The following BAHD1 variants were observed in gnomAD, a reference collection of about 807,000 sequenced individuals.
The protein encoded by BAHD1 is bromo adjacent homology domain containing 1, also known as bromo adjacent homology domain-containing 1 protein.
In BAHD1, 20 loss-of-function variants were observed where a neutral mutation model predicts 63.1. That is an observed-to-expected ratio of 0.32 (90% CI 0.22 to 0.46). The LOEUF (loss-of-function observed/expected upper bound fraction) is 0.46. BAHD1 is among the 20% of genes least tolerant of loss of function. The probability of loss-of-function intolerance (pLI) is 1.00; values close to 1 mark genes in which losing one functional copy is unlikely to be tolerated. For missense variants in BAHD1, 939 were observed against 1,071.8 expected, an observed-to-expected ratio of 0.88 and a Z score of 1.73; for synonymous variants, 408 against 426.8, an observed-to-expected ratio of 0.96 and a Z score of 0.54.
chr15:40,455,232 G>T (rs560630798), intron 1 of BAHD1, among the ~76,000 whole-genome samples: 1 of 152,184 alleles, frequency 6.6e-6, no homozygotes. Flanking sequence ...CTGTTCTGCT[G>T]GATTTGGAAA....
At position 40,462,309 on chromosome 15, in the gene BAHD1, T is replaced by C; in HGVS notation, c.1815+15T>C. On this transcript the variant is annotated intron_variant, in intron 3 of 6. Coordinates refer to ENST00000416165, the MANE Select transcript of BAHD1 (RefSeq NM_014952.5). ...TGTATGTCTTGGTAAGTGCTAGCTCTTAGCTGATGACGAGAGGGAGGGAGG... is the reference window on the plus strand; with the variant it reads ...TGTATGTCTTGGTAAGTGCTAGCTCCTAGCTGATGACGAGAGGGAGGGAGG... The C allele has an allele frequency of 6.3e-7, 1 of 1,582,338 alleles. No homozygotes were observed. The highest frequency in any genetic ancestry group is 8.6e-7 in the Non-Finnish European group (1 of 1,159,350).
chr15:40,460,024 C>A, intron 2 of BAHD1, 128 bp downstream of exon 2: 1 of 1,222,246 alleles, frequency 8.2e-7, no homozygotes, highest in Non-Finnish European at 1.1e-6. Flanking sequence ...AGGGGGCTTT[C>A]AGAAGTGAGA....
rs1027427865 is a variant in BAHD1, at chr15:40,466,571, G to A, written c.*441G>A. 8 of 159,692 alleles carry A rather than the reference G, an allele frequency of 5.0e-5. No homozygotes were observed. The highest frequency in any genetic ancestry group is 1.2e-4 in the African/African-American group (5 of 41,554). The allele number at this position is 159,692 out of a possible 1,614,324, so 9.9% of individuals were successfully genotyped here. ...TTTACCTCACCCACTGTGACCCGCC[G>A]CTTCCCCTTCAGCCTGGGACCAGGC... On this transcript the variant is annotated 3_prime_UTR_variant, in exon 7 of 7. Transcript: ENST00000416165.
At chr15:40,440,857 G>A (rs1406216702), upstream of BAHD1, among the ~76,000 whole-genome samples, 4 of 152,164 alleles carry the variant, frequency 2.6e-5, no homozygotes, top group Non-Finnish European at 5.9e-5. Context: ...AGCGCAGGGC[G>A]GGGCGGCTGA....
intron 4 of BAHD1, 88 bp downstream of exon 4, chr15:40,464,108 C>G (rs1414820154): frequency 6.9e-7 from 1 of 1,447,668 alleles, no homozygotes; most frequent in Non-Finnish European, 9.5e-7. Flanking sequence ...GGAGTTTGAC[C>G]TGGCGTGAGT....
In BAHD1 at chr15:40,461,952, G is replaced by A. The variant is rs1333743462; in HGVS notation, c.1473G>A (p.Pro491=). ...RSLGQLEFPL[P]EAGHPASPAH... Reference sequence around the variant, plus strand: ...TGGGCCAGTTGGAATTTCCTCTCCCGGAAGCTGGCCACCCAGCCTCACCCG... The same window carrying A: ...TGGGCCAGTTGGAATTTCCTCTCCCAGAAGCTGGCCACCCAGCCTCACCCG... Residue 491 remains proline (P), a synonymous_variant, in exon 3 of 7, where the codon CCG becomes CCA. Transcript: ENST00000416165. The A allele has an allele frequency of 1.3e-5, 21 of 1,609,586 alleles. No homozygotes were observed. Among genetic ancestry groups the A allele is most frequent in the East Asian group, 8.9e-5 (4 of 44,734 alleles).
At chr15:40,448,677 C>A (rs1333697547) in intron 1 of BAHD1, among the ~76,000 whole-genome samples, 1 of 152,188 alleles carries the variant, frequency 6.6e-6, no homozygotes, top group Non-Finnish European at 1.5e-5. Flanking sequence ...GCTGGGACTA[C>A]AGGCACACAC....
chr15:40,449,378 CCTAT>C (rs1167298502), intron 1 of BAHD1, among the ~76,000 whole-genome samples: 1 of 152,166 alleles, frequency 6.6e-6, no homozygotes, highest in Non-Finnish European at 1.5e-5. Flanking sequence ...CCTGATTTCA[CCTAT>C]CTGTGACATT....
intron 5 of BAHD1, 154 bp downstream of exon 5, chr15:40,464,701 A>G (rs1218453305): frequency 2.1e-5 from 13 of 632,448 alleles, no homozygotes; most frequent in Non-Finnish European, 3.6e-5. Flanking sequence ...AGGGCCCAGG[A>G]TTTATTCTCT....
chr15:40,447,607 T>TAAATAAATAA (rs1454497799), intron 1 of BAHD1, among the ~76,000 whole-genome samples: 13 of 136,956 alleles, frequency 9.5e-5, no homozygotes, highest in African/African-American at 1.4e-4. Context: ...AATAAATAAA[T>TAAATAAATAA]AAATAAAAAT....
chr15:40,438,705 C>T (rs756394570), upstream of BAHD1, among the ~76,000 whole-genome samples: 1 of 152,180 alleles, frequency 6.6e-6, no homozygotes, highest in Non-Finnish European at 1.5e-5. Flanking sequence ...CAGGAAGACA[C>T]CCAATCCTGC....
At chr15:40,446,146 A>C (rs1893534684) in intron 1 of BAHD1, among the ~76,000 whole-genome samples, 1 of 152,204 alleles carries the variant, frequency 6.6e-6, no homozygotes, top group East Asian at 1.9e-4. Context: ...GGAGGCACCT[A>C]AGTGGTGTAA....
At chr15:40,454,716 C>T (rs948152068) in intron 1 of BAHD1, 1 of 152,254 alleles carries the variant, frequency 6.6e-6, no homozygotes, top group African/African-American at 2.4e-5. Context: ...TCTGGGAGGA[C>T]AGAGCTTCCC....
chr15:40,452,207 G>C lies in BAHD1; in HGVS notation c.-14-6244G>C, dbSNP rs926828348. ...TAGGCTCCCAGTCTGGTTACAGAAT[G>C]AATTGAGTGCCCGCAGCAAGTGAGG... On this transcript the variant is annotated intron_variant, in intron 1 of 6. Transcript: ENST00000416165. Among the ~76,000 whole-genome samples the C allele has an allele frequency of 2.6e-5, 4 of 152,258 alleles. No individual in the cohort carries two copies. In the South Asian group the frequency reaches 8.3e-4, roughly 32 times the overall value.
At position 40,458,402 on chromosome 15, in the gene BAHD1, G is replaced by A; in HGVS notation, c.-14-49G>A. 6.6e-7 allele frequency: 1 copy of A among 1,513,252 alleles called. No homozygotes were observed. Among genetic ancestry groups the A allele is most frequent in the Non-Finnish European group, 8.8e-7 (1 of 1,130,856 alleles). 93.7% of individuals were successfully genotyped at this position (1,513,252 alleles called of 1,614,324 possible). Reference sequence around the variant, plus strand: ...GCTGCAGTGGGAGAGAAAGCAGGCAGGAGCAGGCCAGAGAGGGCTTCTCTC... The same window carrying A: ...GCTGCAGTGGGAGAGAAAGCAGGCAAGAGCAGGCCAGAGAGGGCTTCTCTC... On this transcript the variant is annotated intron_variant, in intron 1 of 6. Transcript: ENST00000416165. This position sits in a 1 kb window ranked among gnomAD's most constrained non-coding sequence, Gnocchi z 4.7.
At chr15:40,465,498 G>A in intron 6 of BAHD1, 63 bp downstream of exon 6, 5 of 1,316,528 alleles carry the variant, frequency 3.8e-6, no homozygotes, top group Non-Finnish European at 5.5e-6. Flanking sequence ...CATATTTGGG[G>A]CTGCTTGGAA....
intron 2 of BAHD1, among the ~76,000 whole-genome samples, chr15:40,460,548 C>A (rs1894009035): frequency 6.6e-6 from 1 of 152,132 alleles, no homozygotes; most frequent in African/African-American, 2.4e-5. Flanking sequence ...CGATCAGGGC[C>A]CACAGCTTTG....
Position 40,465,424 on chromosome 15 carries a change from C to G in BAHD1, c.2142C>G (p.Ala714=). ...IEEKCYVLTF[A]EYCRFCAMAK... is the part of the protein sequence containing the mutation. ...AGAAGTGCTATGTGCTGACTTTTGC[C>G]GAGTACTGCAGGTAGGTGGTTCCCT... The change falls in exon 6 of 7, where the codon GCC becomes GCG. Residue 714 remains alanine, a synonymous_variant. Transcript: ENST00000416165. 1.2e-6 allele frequency: 2 copies of G among 1,614,044 alleles called. No individual in the cohort carries two copies. The highest frequency in any genetic ancestry group is 1.7e-6 in the Non-Finnish European group (2 of 1,179,936).
At position 40,441,151 on chromosome 15, in the gene BAHD1, T is replaced by C. The variant is rs1893387902; in HGVS notation, c.-132T>C. The stretch of plus-strand genomic sequence containing the variant: ...GGCCCCGGCCCCCAGGAGGAGGCGC[T>C]GACGCAGCAGCGTGGAGCCCGGGAA... On this transcript the variant is annotated 5_prime_UTR_variant, in exon 1 of 7. Coordinates refer to ENST00000416165, the MANE Select transcript of BAHD1 (RefSeq NM_014952.5). 1 of 149,390 alleles carries C rather than the reference T, an allele frequency of 6.7e-6. No individual in the cohort carries two copies. The highest frequency in any genetic ancestry group is 6.6e-5 in the Admixed American group (1 of 15,044). The allele number at this position is 149,390 out of a possible 1,614,324, so 9.3% of individuals were successfully genotyped here.
Sources: allele counts gnomAD v4.1 joint callset (sites outside exome capture counted in the v4.1 genomes callset), GRCh38; gene constraint gnomAD v4.1.1; non-coding constraint Gnocchi (gnomAD v3.1); transcripts MANE v1.5; gene names NCBI Gene and HGNC (gene_info 2026-07-23, HGNC 2026-07-21).